STK39: variants seen among roughly 807,000 people sequenced by gnomAD.
STK39 encodes STE20/SPS1-related proline-alanine-rich protein kinase.
STK39 carries 20 observed loss-of-function variants against 77.8 expected under a neutral mutation model. The observed-to-expected ratio is 0.26, with a 90% CI of 0.18 to 0.37. The LOEUF is 0.37. Ranked by LOEUF, STK39 falls within the 10% of genes least tolerant of loss-of-function variation. STK39 has a pLI of 1.00. For missense variants in STK39, 479 were observed against 656.5 expected, an observed-to-expected ratio of 0.73 and a Z score of 2.95; for synonymous variants, 246 against 234.1, an observed-to-expected ratio of 1.05 and a Z score of -0.47.
chr2:168,149,687 T>TA (rs34560640), intron 5 of STK39, among the ~76,000 whole-genome samples: 2,829 of 152,268 alleles, frequency 0.019, 59 homozygotes, highest in African/African-American at 0.05. Flanking sequence ...AAGGACTTGG[T>TA]AAAAAATTAG....
chr2:168,231,251 A>G (rs1181547743), intron 1 of STK39, among the ~76,000 whole-genome samples: 1 of 152,164 alleles, frequency 6.6e-6, no homozygotes, highest in Non-Finnish European at 1.5e-5. Context: ...TTAAAAGCAA[A>G]TTAATGTCAC....
intron 14 of STK39, among the ~76,000 whole-genome samples, chr2:168,031,626 G>T (rs1042000040): frequency 6.6e-6 from 1 of 152,156 alleles, no homozygotes; most frequent in South Asian, 2.1e-4. Context: ...GACAGGTGTC[G>T]TTATAAGAAG....
In STK39 at chr2:168,245,970, T is replaced by C. The variant is rs375708146; in HGVS notation, c.208+1258A>G. On this transcript the variant is annotated intron_variant, in intron 1 of 17. Coordinates refer to ENST00000355999, the MANE Select transcript of STK39 (RefSeq NM_013233.3). ...ACATATTTTTATGTATATATTTATA[T>C]ATATATTTCCGTCTATGCTGTTTTA... Among the ~76,000 whole-genome samples, 28 of 152,270 alleles carry C rather than the reference T, an allele frequency of 1.8e-4. No homozygotes were observed. In the East Asian group the frequency reaches 3.3e-3, roughly 18 times the overall value.
At chr2:168,083,134 A>G (rs999386498) in intron 10 of STK39, among the ~76,000 whole-genome samples, 4 of 151,784 alleles carry the variant, frequency 2.6e-5, no homozygotes, top group Non-Finnish European at 5.9e-5. Context: ...ATACCCTACA[A>G]TCCAGTTATG....
At chr2:168,232,379 C>T (rs1005444575) in intron 1 of STK39, among the ~76,000 whole-genome samples, 1 of 152,132 alleles carries the variant, frequency 6.6e-6, no homozygotes, top group African/African-American at 2.4e-5. Flanking sequence ...CTATTTTTGT[C>T]ACTCCCTTTC....
At chr2:167,995,223 C>T (rs1683805337) in intron 16 of STK39, among the ~76,000 whole-genome samples, 2 of 151,932 alleles carry the variant, frequency 1.3e-5, no homozygotes, top group Non-Finnish European at 2.9e-5. Context: ...GATTCTCCTG[C>T]CTCAGCCTGC....
At chr2:168,199,982 A>G (rs1213737363) in intron 1 of STK39, among the ~76,000 whole-genome samples, 1 of 152,194 alleles carries the variant, frequency 6.6e-6, no homozygotes, top group Admixed American at 6.5e-5. Context: ...TCTGGGCTAT[A>G]AGAGTATCTG....
chr2:167,974,219 A>G (rs1429597010), intron 16 of STK39, among the ~76,000 whole-genome samples: 1 of 152,176 alleles, frequency 6.6e-6, no homozygotes, highest in Non-Finnish European at 1.5e-5. Flanking sequence ...TCAGTGAGTA[A>G]AAGTTTTTGC....
chr2:168,227,137 C>T (rs908706989), intron 1 of STK39, among the ~76,000 whole-genome samples: 7 of 152,180 alleles, frequency 4.6e-5, no homozygotes, highest in South Asian at 2.1e-4. Context: ...CAGAACAATA[C>T]GTATAGTTTC....
At position 168,247,431 on chromosome 2, in the gene STK39, G is replaced by T. The variant is rs774637794; in HGVS notation, c.5C>A (p.Ala2Glu). The change falls in exon 1 of 18, where the codon GCG becomes GAG. Residue 2 changes from alanine (A) to glutamate (E), a missense_variant. Physicochemically the swap from Ala to Glu is moderately radical, Grantham distance 107. This residue lies in a region of STK39 where 96 missense variants were observed against 79.1 expected (regional missense o/e 1.21). Transcript: ENST00000355999. M[A>E]EPSGSPVHVQ... Reference sequence around the variant, plus strand: ...GTGCACGGGCGAGCCGCTCGGCTCCGCCATGATGCTGCGGAGGAGAGCAGG... The same window carrying T: ...GTGCACGGGCGAGCCGCTCGGCTCCTCCATGATGCTGCGGAGGAGAGCAGG... 1.6e-6 allele frequency: 2 copies of T among 1,271,272 alleles called. No homozygotes were observed. Among genetic ancestry groups the T allele is most frequent in the South Asian group, 2.0e-5 (1 of 49,608 alleles). 78.7% of individuals were successfully genotyped at this position (1,271,272 alleles called of 1,614,324 possible).
At chr2:168,189,816 A>C (rs911599187) in intron 1 of STK39, among the ~76,000 whole-genome samples, 1 of 152,220 alleles carries the variant, frequency 6.6e-6, no homozygotes, top group African/African-American at 2.4e-5. Context: ...TCAAAGCTAA[A>C]ACTCTATTGT....
At chr2:168,006,316 T>C (rs1482982409) in intron 16 of STK39, among the ~76,000 whole-genome samples, 1 of 152,240 alleles carries the variant, frequency 6.6e-6, no homozygotes, top group Non-Finnish European at 1.5e-5. Flanking sequence ...CTGGTGTTCC[T>C]TCTTCTATAG....
intron 5 of STK39, among the ~76,000 whole-genome samples, chr2:168,145,091 C>T (rs1028049705): frequency 6.6e-6 from 1 of 152,096 alleles, no homozygotes; most frequent in African/African-American, 2.4e-5. Context: ...TCATAGAAGA[C>T]TATCTCCAAA....
At chr2:168,093,155 CAGTCTG>C (rs1349967782) in intron 10 of STK39, among the ~76,000 whole-genome samples, 6 of 152,230 alleles carry the variant, frequency 3.9e-5, no homozygotes, top group Non-Finnish European at 8.8e-5. Flanking sequence ...AGCAGGGAGT[CAGTCTG>C]AGCTTTTCCA....
At chr2:168,013,368 T>C (rs1030555558) in intron 15 of STK39, among the ~76,000 whole-genome samples, 9 of 152,224 alleles carry the variant, frequency 5.9e-5, no homozygotes, top group African/African-American at 1.9e-4. Context: ...TGAATACAGC[T>C]GGAATTACTT....
intron 2 of STK39, among the ~76,000 whole-genome samples, chr2:168,179,590 GGAAAGAA>G (rs1689034563): frequency 1.3e-5 from 2 of 152,084 alleles, no homozygotes; most frequent in South Asian, 4.1e-4. Flanking sequence ...CGGGCATTAA[GGAAAGAA>G]AATAAGAATG....
chr2:168,117,970 A>C (rs1418796920), intron 10 of STK39, among the ~76,000 whole-genome samples: 1 of 152,160 alleles, frequency 6.6e-6, no homozygotes, highest in Non-Finnish European at 1.5e-5. Context: ...ATTTACTGAC[A>C]ATATTTTATA....
intron 1 of STK39, among the ~76,000 whole-genome samples, chr2:168,235,172 G>A (rs892330519): frequency 3.3e-5 from 5 of 151,830 alleles, no homozygotes; most frequent in African/African-American, 1.2e-4. Flanking sequence ...CGAGTAGCTG[G>A]GATTACAGGC....
intron 14 of STK39, among the ~76,000 whole-genome samples, chr2:168,035,609 A>C (rs570649255): frequency 6.6e-6 from 1 of 152,298 alleles, no homozygotes; most frequent in East Asian, 1.9e-4. Context: ...TCAGATACAT[A>C]CAGGGCAAAT....
Sources: gnomAD v4.1 joint callset for allele counts (sites outside exome capture counted in the v4.1 genomes callset) on GRCh38, gnomAD v4.1.1 for gene constraint, gnomAD v4.1.1 regional missense constraint, MANE v1.5 for transcripts, NCBI Gene and HGNC (gene_info 2026-07-23, HGNC 2026-07-21) for gene names.